Variants in ERBIN observed in about 807,000 individuals in gnomAD.
The protein encoded by ERBIN is erbb2 interacting protein, also known as densin-180-like protein.
ERBIN carries 60 observed loss-of-function variants against 158.4 expected under a neutral mutation model. The ratio of observed to expected loss-of-function variants is 0.38; its 90% CI spans 0.31 to 0.47. The LOEUF (loss-of-function observed/expected upper bound fraction) is 0.47. Ranked by LOEUF, ERBIN falls within the 20% of genes least tolerant of loss-of-function variation. The pLI, the probability that ERBIN is intolerant of heterozygous loss-of-function variation, is 0.99. For synonymous variants in ERBIN, 594 were observed against 557.2 expected (o/e 1.07, Z -0.93); for missense variants, 1,610 against 1,648.0 (o/e 0.98, Z 0.40).
At chr5:66,006,700 A>T (rs1183388256) in intron 4 of ERBIN, among the ~76,000 whole-genome samples, 15 of 152,108 alleles carry the variant, frequency 9.9e-5, no homozygotes, top group Non-Finnish European at 2.2e-4. Context: ...TTTACAAGAA[A>T]AAAACAACCC....
At chr5:66,030,511 A>G (rs1298895926) in intron 14 of ERBIN, among the ~76,000 whole-genome samples, 2 of 150,048 alleles carry the variant, frequency 1.3e-5, no homozygotes, top group African/African-American at 4.9e-5. Context: ...AATGAGACAT[A>G]CCTCCTGGTC....
At chr5:65,938,887 A>G (rs995642914) in intron 1 of ERBIN, among the ~76,000 whole-genome samples, 1 of 152,084 alleles carries the variant, frequency 6.6e-6, no homozygotes. Context: ...GGTCCCTGCT[A>G]CTACTCTTCT....
intron 1 of ERBIN, among the ~76,000 whole-genome samples, chr5:65,948,764 T>G (rs947080326): frequency 7.3e-6 from 1 of 137,084 alleles, no homozygotes; most frequent in African/African-American, 2.8e-5. Flanking sequence ...TGTTTTGCGT[T>G]TTTTTTTTTT....
chr5:66,038,326 T>G, intron 14 of ERBIN, 57 bp from the exon 15 acceptor site: 1 of 1,158,306 alleles, frequency 8.6e-7, no homozygotes, highest in East Asian at 2.4e-5. Context: ...GAGGAATTGC[T>G]GAATATATAT....
chr5:66,055,089 C>A, intron 21 of ERBIN, 138 bp downstream of exon 21: 8 of 1,408,626 alleles, frequency 5.7e-6, no homozygotes, highest in Non-Finnish European at 7.4e-6. Flanking sequence ...GAATAGAGTT[C>A]CAAATTTAAA....
intron 21 of ERBIN, among the ~76,000 whole-genome samples, chr5:66,068,189 T>C (rs73107554): frequency 0.017 from 2,614 of 151,414 alleles, 77 homozygotes; most frequent in African/African-American, 0.06. Flanking sequence ...ATAATAATAA[T>C]AACAACAACT....
intron 21 of ERBIN, among the ~76,000 whole-genome samples, chr5:66,055,810 T>C (rs1326405228): frequency 6.6e-6 from 1 of 152,200 alleles, no homozygotes; most frequent in Non-Finnish European, 1.5e-5. Context: ...TAAAAATTCC[T>C]TAAATAAAAT....
intron 1 of ERBIN, among the ~76,000 whole-genome samples, chr5:65,965,882 T>G (rs1042059285): frequency 9.9e-5 from 15 of 152,246 alleles, no homozygotes; most frequent in African/African-American, 3.4e-4. Context: ...AGACATCTTG[T>G]ATATATTTAG....
At chr5:66,077,032 A>C in intron 25 of ERBIN, 83 bp downstream of exon 25, 1 of 1,087,992 alleles carries the variant, frequency 9.2e-7, no homozygotes, top group South Asian at 1.5e-5. Flanking sequence ...TTTAACTTTG[A>C]AAATTGTGGG....
intron 3 of ERBIN, among the ~76,000 whole-genome samples, chr5:65,994,087 A>G (rs577915771): frequency 6.6e-6 from 1 of 152,290 alleles, no homozygotes; most frequent in South Asian, 2.1e-4. Flanking sequence ...TCTTACAGAG[A>G]AATCTTTATA....
chr5:66,065,591 CTGTGTGTGTGTGTGTGTG>C (rs56164922), intron 21 of ERBIN, among the ~76,000 whole-genome samples: 12,665 of 109,194 alleles, frequency 0.12, 871 homozygotes, highest in South Asian at 0.14. Flanking sequence ...TAATTTTGAC[CTGTGTGTGTGTGTGTGTG>C]TGTGTGTGTG....
At chr5:66,052,191 C>G (rs1405977503) in intron 20 of ERBIN, among the ~76,000 whole-genome samples, 1 of 142,308 alleles carries the variant, frequency 7.0e-6, no homozygotes, top group Non-Finnish European at 1.5e-5. Flanking sequence ...AATTGAGACC[C>G]GGTCTCAAAA....
chr5:65,940,488 C>G (rs1255449440), intron 1 of ERBIN, among the ~76,000 whole-genome samples: 3 of 116,398 alleles, frequency 2.6e-5, no homozygotes, highest in African/African-American at 1.1e-4. Flanking sequence ...CCCCCCCCCC[C>G]GGCCAGCCGC....
At chr5:66,025,610 A>G (rs1756160962) in intron 11 of ERBIN, 58 bp downstream of exon 11, 1 of 1,296,130 alleles carries the variant, frequency 7.7e-7, no homozygotes, top group East Asian at 2.3e-5. Flanking sequence ...TCAGCATGCC[A>G]TACATATTTT....
At chr5:66,074,290 G>A (rs549042964) in intron 22 of ERBIN, among the ~76,000 whole-genome samples, 1 of 151,974 alleles carries the variant, frequency 6.6e-6, no homozygotes, top group South Asian at 2.1e-4. Flanking sequence ...AAAATGAGAG[G>A]CATTAAAACA....
chr5:65,982,148 C>T (rs1165929058), intron 1 of ERBIN, among the ~76,000 whole-genome samples: 1 of 152,194 alleles, frequency 6.6e-6, no homozygotes, highest in Non-Finnish European at 1.5e-5. Flanking sequence ...TGTCTTGTGT[C>T]AGTTCTTTGA....
intron 7 of ERBIN, among the ~76,000 whole-genome samples, chr5:66,016,615 CTTT>C (rs11323656): frequency 8.9e-5 from 11 of 124,186 alleles, no homozygotes; most frequent in Admixed American, 8.0e-5. Flanking sequence ...TTCATGAGAT[CTTT>C]TTTTTTTTTT....
At chr5:65,974,690 C>T (rs1272126324) in intron 1 of ERBIN, among the ~76,000 whole-genome samples, 1 of 152,188 alleles carries the variant, frequency 6.6e-6, no homozygotes, top group Non-Finnish European at 1.5e-5. Flanking sequence ...ACTAAGACAG[C>T]AGTCATTAGA....
chr5:66,038,160 T>G (rs1246884407), intron 14 of ERBIN, among the ~76,000 whole-genome samples: 1 of 152,172 alleles, frequency 6.6e-6, no homozygotes. Context: ...TTTACTTGCT[T>G]TATACTAAAA....
Sources: allele counts gnomAD v4.1 joint callset (sites outside exome capture counted in the v4.1 genomes callset), GRCh38; gene constraint gnomAD v4.1.1; transcripts MANE v1.5; gene names NCBI Gene and HGNC (gene_info 2026-07-23, HGNC 2026-07-21).